Variants in TIMM17B observed in about 807,000 individuals in gnomAD.
TIMM17B encodes mitochondrial import inner membrane translocase subunit Tim17-B.
A neutral mutation model predicts 15.9 loss-of-function variants in TIMM17B; 10 were observed. That is an observed-to-expected ratio of 0.63 (90% CI 0.39 to 1.06). TIMM17B has a LOEUF of 1.06. Among genes scored for constraint, TIMM17B ranks in the 50% least tolerant of loss-of-function variants. The probability of loss-of-function intolerance (pLI) is 0.01; values close to 1 mark genes in which losing one functional copy is unlikely to be tolerated. For missense variants in TIMM17B, 114 were observed against 152.2 expected (o/e 0.75, Z 1.32); for synonymous variants, 57 against 57.2 (o/e 1.00, Z 0.02).
intron 2 of TIMM17B, 176 bp from the exon 2 acceptor site, chrX:48,897,034 A>G (rs2063320313): frequency 4.9e-6 from 5 of 1,014,787 alleles, no homozygotes; most frequent in Non-Finnish European, 6.5e-6. Context: ...ACACCCCCCC[A>G]TTAAAGCGAG....
intron 4 of TIMM17B, 59 bp from the exon 4 acceptor site, chrX:48,894,284 G>A: frequency 8.6e-7 from 1 of 1,162,354 alleles, no homozygotes; most frequent in South Asian, 1.9e-5. Flanking sequence ...CACATCTCAG[G>A]GGACTTCCAA....
intron 3 of TIMM17B, chrX:48,895,331 G>T: frequency 2.0e-6 from 1 of 510,952 alleles, no homozygotes; most frequent in Non-Finnish European, 3.5e-6. Context: ...TTCATTCAGT[G>T]AATGATTAAC....
At chrX:48,893,624 A>G in exon 7 of TIMM17B, 2 of 704,855 alleles carry the variant, frequency 2.8e-6, no homozygotes, top group Non-Finnish European at 2.0e-6. Flanking sequence ...CAGAGTAGAA[A>G]CCCTCTCTGG....
chrX:48,897,324 G>A (rs913160302), intron 2 of TIMM17B: 1 of 225,785 alleles, frequency 4.4e-6, no homozygotes, highest in Admixed American at 6.5e-5. Flanking sequence ...AGCATCCACC[G>A]TCCCCGCCGG....
intron 2 of TIMM17B, 147 bp downstream of exon 1, chrX:48,897,577 G>A: frequency 2.0e-6 from 1 of 499,771 alleles, no homozygotes; most frequent in Non-Finnish European, 3.5e-6. Flanking sequence ...CCGAATGACA[G>A]GAACCGAGTG....
intron 2 of TIMM17B, 168 bp from the exon 2 acceptor site, chrX:48,897,026 ACC>A: frequency 9.8e-7 from 1 of 1,023,111 alleles, no homozygotes; most frequent in Non-Finnish European, 1.3e-6. Flanking sequence ...TTTTCCACAC[ACC>A]CCCCCATTAA....
intron 2 of TIMM17B, 104 bp from the exon 2 acceptor site, chrX:48,896,962 G>A: frequency 8.7e-7 from 1 of 1,151,044 alleles, no homozygotes; most frequent in Admixed American, 2.6e-5. Flanking sequence ...AGAATGGGAA[G>A]TTCCTAAGTA....
chrX:48,895,716 C>T (rs1395681288), intron 3 of TIMM17B: 7 of 324,929 alleles, frequency 2.2e-5, no homozygotes, highest in African/African-American at 1.3e-4. Context: ...ATGGCATTTG[C>T]GATCTTCTGG....
intron 2 of TIMM17B, chrX:48,897,059 G>T: frequency 1.1e-6 from 1 of 910,829 alleles, no homozygotes; most frequent in Non-Finnish European, 1.5e-6. Flanking sequence ...GGGGCAAAGG[G>T]GGAGAAATAT....
chrX:48,896,855 T>C (rs1176286961), exon 3 of TIMM17B: 2 of 1,207,256 alleles, frequency 1.7e-6, no homozygotes, highest in East Asian at 3.0e-5. Context: ...CAATTCGCCA[T>C]GGGCTGCAAG....
chrX:48,897,443 C>G (rs782620943), intron 2 of TIMM17B: 2 of 385,161 alleles, frequency 5.2e-6, no homozygotes, highest in African/African-American at 5.1e-5. Context: ...CACCCCTAGC[C>G]GGGATGGATC....
rs782245939 is a variant in TIMM17B, at chrX:48,895,021, C to T, written c.190+17G>A. The T allele has an allele frequency of 6.8e-6, 8 of 1,182,004 alleles. No homozygotes were observed. In the Admixed American group the frequency reaches 1.2e-4, roughly 17 times the overall value. ...TTGCCAAGACATCTCCTATATCTAT[C>T]TCCCCAAGTCCCTCACCTCCAATCT... On this transcript the variant is annotated intron_variant, in intron 4 of 6. Transcript: ENST00000376582.
chrX:48,898,114 C>T, exon 1 of TIMM17B: 1 of 1,017,060 alleles, frequency 9.8e-7, no homozygotes. Flanking sequence ...TCTTTTGGAG[C>T]TGGAGGAAGT....
At position 48,898,129 on chromosome X, in the gene TIMM17B, C is replaced by T. The variant is rs1254408235; in HGVS notation, c.-135G>A. 3.9e-6 allele frequency: 4 copies of T among 1,014,246 alleles called. No homozygotes were observed. The African/African-American group carries it at 5.9e-5, about 15-fold the overall frequency. The allele number at this position is 1,014,246 out of a possible 1,213,427, so 83.6% of individuals were successfully genotyped here. The stretch of plus-strand genomic sequence containing the variant: ...TCTTTTGGAGCTGGAGGAAGTGCTG[C>T]CCTCTGCTCCCCCATCCCAGCGCTT... On this transcript the variant is annotated 5_prime_UTR_variant, in exon 1 of 7. Transcript: ENST00000376582.
intron 2 of TIMM17B, chrX:48,897,464 T>A: frequency 2.5e-6 from 1 of 408,094 alleles, no homozygotes; most frequent in Non-Finnish European, 4.3e-6. Context: ...GTCCAGCGTG[T>A]CTTTTTTCGT....
chrX:48,897,590 G>A (rs1557039809), intron 2 of TIMM17B, 134 bp downstream of exon 1: 4 of 520,900 alleles, frequency 7.7e-6, no homozygotes, highest in Non-Finnish European at 1.3e-5. Context: ...ACCGAGTGGG[G>A]GTAGCGGGAG....
At position 48,893,461 on chromosome X, in the gene TIMM17B, C is replaced by T. The variant is rs1189682557; in HGVS notation, c.*268G>A. The T allele has an allele frequency of 4.1e-5, 12 of 290,011 alleles. No individual in the cohort carries two copies. In the East Asian group the frequency reaches 4.2e-4, roughly 10 times the overall value. The allele number at this position is 290,011 out of a possible 1,213,427, so 23.9% of individuals were successfully genotyped here. A position where few individuals can be genotyped will look rare whatever the true frequency, so the allele number is the denominator to read the frequency against. On this transcript the variant is annotated 3_prime_UTR_variant, in exon 7 of 7. Transcript: ENST00000376582. ...GAGTCCACACATAGGCATTTCAAAA[C>T]GGGCTTTAAATACTCATCAGGGTGC...
At chrX:48,893,747 G>C in exon 7 of TIMM17B, 1 of 1,163,735 alleles carries the variant, frequency 8.6e-7, no homozygotes, top group Non-Finnish European at 1.1e-6. Flanking sequence ...ACTGCTGATA[G>C]CTGGGGTAGC....
At chrX:48,894,331 C>A in intron 4 of TIMM17B, 106 bp from the exon 4 acceptor site, 1 of 889,457 alleles carries the variant, frequency 1.1e-6, no homozygotes, top group Non-Finnish European at 1.6e-6. Flanking sequence ...GGAGAAAAAC[C>A]CAGACACAAA....
Sources: allele counts gnomAD v4.1 joint callset, GRCh38; gene constraint gnomAD v4.1.1; transcripts MANE v1.5; gene names NCBI Gene and HGNC (gene_info 2026-07-23, HGNC 2026-07-21).